The following TNKS variants were observed in gnomAD, a reference collection of about 807,000 sequenced individuals.
TNKS encodes the protein tankyrase.
A neutral mutation model predicts 135.8 loss-of-function variants in TNKS; 72 were observed. That is an observed-to-expected ratio of 0.53 (90% CI 0.44 to 0.64). TNKS has a LOEUF of 0.64. Among genes scored for constraint, TNKS ranks in the 30% least tolerant of loss-of-function variants. The pLI is 0.00. For synonymous variants in TNKS, 849 were observed against 649.3 expected (o/e 1.31, Z -4.68); for missense variants, 1,769 against 1,674.0 (o/e 1.06, Z -0.99).
chr8:9,718,383 G>A (rs1411795059), intron 11 of TNKS, among the ~76,000 whole-genome samples: 3 of 152,148 alleles, frequency 2.0e-5, no homozygotes, highest in African/African-American at 4.8e-5. Context: ...GACAATGATA[G>A]CTTTAAGTTT....
At chr8:9,684,232 G>A (rs990645846) in intron 5 of TNKS, among the ~76,000 whole-genome samples, 2 of 151,630 alleles carry the variant, frequency 1.3e-5, no homozygotes, top group African/African-American at 4.8e-5. Flanking sequence ...TGGATTTTTT[G>A]ATCTTTAATC....
intron 2 of TNKS, among the ~76,000 whole-genome samples, chr8:9,594,557 C>T (rs1798703467): frequency 6.6e-6 from 1 of 152,042 alleles, no homozygotes; most frequent in Non-Finnish European, 1.5e-5. Flanking sequence ...TGTATACAAT[C>T]CATTTTACGT....
chr8:9,625,613 T>C (rs1800027132), intron 3 of TNKS, among the ~76,000 whole-genome samples: 1 of 152,174 alleles, frequency 6.6e-6, no homozygotes, highest in African/African-American at 2.4e-5. Context: ...ATTTTGTATG[T>C]TTTTAAATTT....
At chr8:9,565,541 A>G (rs1797491436) in intron 1 of TNKS, among the ~76,000 whole-genome samples, 1 of 152,172 alleles carries the variant, frequency 6.6e-6, no homozygotes, top group Admixed American at 6.5e-5. Flanking sequence ...CCTTAAAGCT[A>G]TAGTCTCTGT....
At chr8:9,764,204 G>GAGT (rs1563219088) in intron 22 of TNKS, among the ~76,000 whole-genome samples, 2 of 152,018 alleles carry the variant, frequency 1.3e-5, no homozygotes, top group African/African-American at 4.8e-5. Context: ...TTAATTTAGA[G>GAGT]AGTAGTCAGA....
chr8:9,638,380 A>G (rs1026537898), intron 3 of TNKS, among the ~76,000 whole-genome samples: 8 of 152,208 alleles, frequency 5.3e-5, no homozygotes, highest in African/African-American at 1.7e-4. Context: ...TTATGGTGAA[A>G]TGTTGTGAAT....
chr8:9,722,442 T>C (rs1038827455), intron 12 of TNKS: 1 of 152,106 alleles, frequency 6.6e-6, no homozygotes, highest in African/African-American at 2.4e-5. Flanking sequence ...TTAATGGTGA[T>C]CTTGAGACGG....
intron 5 of TNKS, chr8:9,681,060 G>A (rs1425524359): frequency 2.9e-5 from 9 of 308,936 alleles, no homozygotes; most frequent in Non-Finnish European, 4.7e-5. Flanking sequence ...CAGTTTTGTC[G>A]GTGATTAAAA....
chr8:9,622,965 A>G (rs1226507930), intron 3 of TNKS, among the ~76,000 whole-genome samples: 1 of 152,168 alleles, frequency 6.6e-6, no homozygotes, highest in Non-Finnish European at 1.5e-5. Context: ...TTAATTCATA[A>G]ATTAGGCACA....
chr8:9,746,963 A>T (rs1178048891), intron 17 of TNKS, among the ~76,000 whole-genome samples: 2 of 144,628 alleles, frequency 1.4e-5, no homozygotes, highest in Non-Finnish European at 1.5e-5. Flanking sequence ...GCTGACTGCA[A>T]CCTCCGCCTT....
At chr8:9,687,631 G>A (rs1043090456) in intron 5 of TNKS, among the ~76,000 whole-genome samples, 11 of 152,144 alleles carry the variant, frequency 7.2e-5, no homozygotes, top group African/African-American at 2.2e-4. Context: ...GAAGGGGACC[G>A]ACCACAGTGC....
intron 3 of TNKS, among the ~76,000 whole-genome samples, chr8:9,622,882 CCTGAAACCA>C (rs1182685107): frequency 3.3e-5 from 5 of 152,120 alleles, no homozygotes; most frequent in African/African-American, 9.7e-5. Context: ...CCAGTGGATA[CCTGAAACCA>C]CAGATAGTAC....
chr8:9,600,159 G>A (rs1008166344), intron 2 of TNKS, among the ~76,000 whole-genome samples: 1 of 152,194 alleles, frequency 6.6e-6, no homozygotes, highest in Non-Finnish European at 1.5e-5. Flanking sequence ...GGTCCCACAA[G>A]TAATGGCAGC....
At position 9,580,244 on chromosome 8, in the gene TNKS, T is replaced by G. The variant is rs1012954668; in HGVS notation, c.759T>G (p.Leu253=). 1.1e-5 allele frequency: 18 copies of G among 1,614,184 alleles called. No homozygotes were observed. The highest frequency in any genetic ancestry group is 1.4e-5 in the Non-Finnish European group (17 of 1,180,032). ...GTGATGATGGAGGTCTCATCCCGCT[T>G]CATAATGCCTGTTCTTTTGGCCATG... ...HARDDGGLIP[L]HNACSFGHAE... Residue 253 remains leucine (L), a synonymous_variant, in exon 2 of 27, where the codon CTT becomes CTG. Transcript: ENST00000310430.
chr8:9,589,092 C>T (rs975734811), intron 2 of TNKS, among the ~76,000 whole-genome samples: 3 of 152,140 alleles, frequency 2.0e-5, no homozygotes, highest in African/African-American at 4.8e-5. Flanking sequence ...TCCCTGCTCC[C>T]ACTGAACCTA....
chr8:9,641,454 C>T lies in TNKS; in HGVS notation c.994+25777C>T, dbSNP rs1012881337. Among the ~76,000 whole-genome samples the T allele has an allele frequency of 1.1e-4, 16 of 144,428 alleles. 2 individuals are homozygous for T. Among genetic ancestry groups the T allele is most frequent in the African/African-American group, 4.1e-4 (16 of 38,912 alleles). The allele number at this position is 144,428 out of a possible 152,430, so 94.8% of individuals were successfully genotyped here. On this transcript the variant is annotated intron_variant, in intron 3 of 26. Coordinates refer to ENST00000310430, the MANE Select transcript of TNKS (RefSeq NM_003747.3). ...ATATCTCTGCTTCATACACTGGACT[C>T]ATTTTAGTATATTTTAATAAGAGTC...
intron 5 of TNKS, among the ~76,000 whole-genome samples, chr8:9,689,257 A>T (rs1187379714): frequency 1.3e-5 from 2 of 152,246 alleles, no homozygotes; most frequent in African/African-American, 4.8e-5. Flanking sequence ...TTGTGTTATG[A>T]AAACAAATTT....
At chr8:9,668,570 A>C (rs898017765) in intron 3 of TNKS, among the ~76,000 whole-genome samples, 1 of 152,248 alleles carries the variant, frequency 6.6e-6, no homozygotes, top group African/African-American at 2.4e-5. Flanking sequence ...CTAAAATTTT[A>C]AAACTGTAGT....
In TNKS at chr8:9,748,047, G is replaced by C; in HGVS notation, c.2667G>C (p.Leu889Phe). The change falls in exon 18 of 27, where the codon TTG (leucine) becomes TTC (phenylalanine). Residue 889 changes from leucine to phenylalanine, a missense_variant. By Grantham distance (22) the Leu-to-Phe change is conservative. Coordinates refer to ENST00000310430, the MANE Select transcript of TNKS (RefSeq NM_003747.3). ...AGCATGTTGACATAGCGGCTTTATTGATAAAATACAACACGTGTGTAAATG... is the reference window on the plus strand; with the variant it reads ...AGCATGTTGACATAGCGGCTTTATTCATAAAATACAACACGTGTGTAAATG... ...SYGHVDIAAL[L>F]IKYNTCVNAT... The C allele has an allele frequency of 6.2e-7, 1 of 1,607,422 alleles. No individual in the cohort carries two copies. The highest frequency in any genetic ancestry group is 8.5e-7 in the Non-Finnish European group (1 of 1,177,960).
Sources: allele counts gnomAD v4.1 joint callset (sites outside exome capture counted in the v4.1 genomes callset), GRCh38; gene constraint gnomAD v4.1.1; transcripts MANE v1.5; gene names NCBI Gene and HGNC (gene_info 2026-07-23, HGNC 2026-07-21).